CLIP2: variants seen among roughly 807,000 people sequenced by gnomAD.
CLIP2 encodes CAP-Gly domain-containing linker protein 2.
CLIP2 carries 41 observed loss-of-function variants against 111.7 expected under a neutral mutation model. The ratio of observed to expected loss-of-function variants is 0.37; its 90% CI spans 0.29 to 0.48. The LOEUF (loss-of-function observed/expected upper bound fraction) is 0.48, where lower values mean the gene tolerates loss of function less well. Among genes scored for constraint, CLIP2 ranks in the 20% least tolerant of loss-of-function variants. The pLI is 0.99. For missense variants in CLIP2, 1,160 were observed against 1,422.1 expected (o/e 0.82, Z 2.96); for synonymous variants, 660 against 644.2 (o/e 1.02, Z -0.37).
At chr7:74,306,210 T>C (rs1175258546) in intron 1 of CLIP2, among the ~76,000 whole-genome samples, 1 of 151,978 alleles carries the variant, frequency 6.6e-6, no homozygotes, top group Non-Finnish European at 1.5e-5. Context: ...CCTGGTGCCC[T>C]AGGGCTTGTG....
At chr7:74,334,716 G>T (rs1789400213) in intron 2 of CLIP2, among the ~76,000 whole-genome samples, 1 of 151,148 alleles carries the variant, frequency 6.6e-6, no homozygotes, top group Non-Finnish European at 1.5e-5. Flanking sequence ...GTGGTAGCTT[G>T]CACCTATAAT....
intron 2 of CLIP2, among the ~76,000 whole-genome samples, chr7:74,325,818 C>T (rs992725617): frequency 3.0e-4 from 45 of 149,810 alleles, no homozygotes; most frequent in Admixed American, 2.5e-3. Context: ...GGCAACAGAA[C>T]GAGACTCCAT....
intron 1 of CLIP2, among the ~76,000 whole-genome samples, chr7:74,305,241 G>A (rs1469745412): frequency 1.4e-5 from 2 of 144,978 alleles, no homozygotes; most frequent in African/African-American, 2.5e-5. Flanking sequence ...CTTTTGACTT[G>A]CCCATTGGAT....
intron 2 of CLIP2, among the ~76,000 whole-genome samples, chr7:74,331,562 CTTTTT>C (rs1213774851): frequency 2.5e-5 from 3 of 120,658 alleles, no homozygotes; most frequent in African/African-American, 9.9e-5. Flanking sequence ...TTCTTTCTTT[CTTTTT>C]TTTTTTTTTT....
At chr7:74,355,322 G>T (rs1379533333) in intron 4 of CLIP2, among the ~76,000 whole-genome samples, 1 of 152,076 alleles carries the variant, frequency 6.6e-6, no homozygotes, top group Non-Finnish European at 1.5e-5. Context: ...TCAGAAGCTG[G>T]ATGGGGGCCA....
chr7:74,298,341 A>G (rs1584302354), intron 1 of CLIP2, among the ~76,000 whole-genome samples: 1 of 146,444 alleles, frequency 6.8e-6, no homozygotes, highest in Non-Finnish European at 1.5e-5. Flanking sequence ...GCCTACCACC[A>G]CACCCTGCTA....
chr7:74,386,349 T>C (rs1791099159), intron 11 of CLIP2, 172 bp from the exon 12 acceptor site: 1 of 539,586 alleles, frequency 1.9e-6, no homozygotes, highest in Non-Finnish European at 3.2e-6. Context: ...CAGTGTCAGG[T>C]CCTCTTCTTC....
intron 1 of CLIP2, among the ~76,000 whole-genome samples, chr7:74,308,343 G>A (rs1262185042): frequency 1.3e-5 from 2 of 152,048 alleles, no homozygotes; most frequent in African/African-American, 2.4e-5. Flanking sequence ...AGGCCAGACC[G>A]GCTGTGTGAT....
intron 2 of CLIP2, among the ~76,000 whole-genome samples, chr7:74,317,898 G>A (rs1554729404): frequency 1.3e-5 from 2 of 152,098 alleles, no homozygotes; most frequent in Admixed American, 1.3e-4. Context: ...TTCACTAGCT[G>A]AAGAGGAAAA....
Position 74,376,579 on chromosome 7 carries a change from G to C in CLIP2, c.2178G>C (p.Arg726=), listed in dbSNP as rs1554312935. 1 of 1,611,178 alleles carries C rather than the reference G, an allele frequency of 6.2e-7. No homozygotes were observed. Among genetic ancestry groups the C allele is most frequent in the Admixed American group, 1.7e-5 (1 of 59,194 alleles). Reference sequence around the variant, plus strand: ...TGCAGGAGGCCCAGGACCAGCGCCGGGATGCCGAGCTGCGTGTGCACGAGC... The same window carrying C: ...TGCAGGAGGCCCAGGACCAGCGCCGCGATGCCGAGCTGCGTGTGCACGAGC... ...LELQEAQDQR[R]DAELRVHELE... The change falls in exon 10 of 17, where the codon CGG becomes CGC. Residue 726 remains arginine, a synonymous_variant. Coordinates refer to ENST00000223398, the MANE Select transcript of CLIP2 (RefSeq NM_003388.5). The surrounding 1 kb of genome is among the most constrained non-coding windows in gnomAD (Gnocchi z 7.1).
intron 8 of CLIP2, 93 bp downstream of exon 8, chr7:74,364,408 G>C: frequency 9.0e-7 from 1 of 1,106,342 alleles, no homozygotes; most frequent in South Asian, 1.4e-5. Context: ...AGCACCTCTA[G>C]GCCCCCCCGG....
intron 8 of CLIP2, among the ~76,000 whole-genome samples, chr7:74,366,916 G>C (rs1790482995): frequency 6.7e-6 from 1 of 148,934 alleles, no homozygotes; most frequent in Admixed American, 6.7e-5. Flanking sequence ...AAATCAAGGT[G>C]TTGGAGAATC....
chr7:74,290,954 G>C (rs1787999005), intron 1 of CLIP2, among the ~76,000 whole-genome samples: 1 of 152,176 alleles, frequency 6.6e-6, no homozygotes, highest in Admixed American at 6.5e-5. Context: ...GGATGGGGCA[G>C]ACCAGGAAGC....
chr7:74,383,294 C>T (rs906638107), intron 11 of CLIP2, among the ~76,000 whole-genome samples: 1 of 152,006 alleles, frequency 6.6e-6, no homozygotes, highest in Non-Finnish European at 1.5e-5. Context: ...GTCATTTTCT[C>T]CCCCCAACCC....
At chr7:74,350,576 AAG>A (rs2116592043) in intron 3 of CLIP2, among the ~76,000 whole-genome samples, 1 of 152,220 alleles carries the variant, frequency 6.6e-6, no homozygotes, top group Admixed American at 6.6e-5. Flanking sequence ...CATTAAAAAA[AAG>A]AGTGAGCCAG....
intron 1 of CLIP2, among the ~76,000 whole-genome samples, chr7:74,294,957 A>G (rs1788128692): frequency 6.6e-6 from 1 of 151,872 alleles, no homozygotes; most frequent in East Asian, 1.9e-4. Context: ...AACTGGGGCT[A>G]GGTTTTGTTT....
rs191223183 is a variant in CLIP2 at position 74,388,079 on chromosome 7, C to T, written c.2564-1024C>T. Among the ~76,000 whole-genome samples the T allele has an allele frequency of 4.8e-3, 723 of 152,134 alleles. 5 individuals carry two copies. The highest frequency in any genetic ancestry group is 8.0e-3 in the Non-Finnish European group (541 of 67,998). ...GCATGGTGGCTCATGCCTGTAATCC[C>T]AGCAGTTTGGGAGGCCGAAGCGGGT... is the stretch of plus-strand genomic sequence containing the variant. On this transcript the variant is annotated intron_variant, in intron 12 of 16. Transcript: ENST00000223398.
chr7:74,366,565 G>C (rs368257247), intron 8 of CLIP2, among the ~76,000 whole-genome samples: 1 of 152,204 alleles, frequency 6.6e-6, no homozygotes, highest in African/African-American at 2.4e-5. Context: ...ATATGCTTTC[G>C]CAGTTCTGGA....
At chr7:74,384,905 G>T (rs1450212295) in intron 11 of CLIP2, among the ~76,000 whole-genome samples, 2 of 151,826 alleles carry the variant, frequency 1.3e-5, no homozygotes, top group African/African-American at 4.8e-5. Context: ...ACTTTAAGAG[G>T]CTGAGGCAGG....
Sources: allele counts gnomAD v4.1 joint callset (sites outside exome capture counted in the v4.1 genomes callset), GRCh38; gene constraint gnomAD v4.1.1; non-coding constraint Gnocchi (gnomAD v3.1); transcripts MANE v1.5; gene names NCBI Gene and HGNC (gene_info 2026-07-23, HGNC 2026-07-21).